AFG2A: variants seen among roughly 807,000 people sequenced by gnomAD.
AFG2A encodes the protein ATPase family gene 2 protein homolog A.
At chr4:122,969,941 A>G in the AFG2A span, among the ~76,000 whole-genome samples, 6 of 152,234 alleles carry the variant, frequency 3.9e-5, no homozygotes, top group Non-Finnish European at 8.8e-5. Context: ...GGTATATACT[A>G]CAGTGGCTCT....
chr4:122,944,597 C>T, the AFG2A span, among the ~76,000 whole-genome samples: 193 of 152,304 alleles, frequency 1.3e-3, 6 homozygotes, highest in East Asian at 0.022. Context: ...TCCCGTAGCT[C>T]GGAGTAGTTT....
At chr4:123,147,852 G>A in the AFG2A span, among the ~76,000 whole-genome samples, 2 of 152,054 alleles carry the variant, frequency 1.3e-5, no homozygotes, top group African/African-American at 4.8e-5. Flanking sequence ...ATGAATCATT[G>A]TAATGCTCAT....
chr4:123,266,963 C>T, the AFG2A span, among the ~76,000 whole-genome samples: 1 of 151,880 alleles, frequency 6.6e-6, no homozygotes, highest in Non-Finnish European at 1.5e-5. Flanking sequence ...GGATTGGACC[C>T]CAGTGTTTAG....
the AFG2A span, among the ~76,000 whole-genome samples, chr4:123,227,125 C>T: frequency 0.014 from 2,148 of 152,080 alleles, 49 homozygotes; most frequent in African/African-American, 0.048. Context: ...GTCTTGCTAG[C>T]GGTCTATCAA....
chr4:123,254,880 C>A, the AFG2A span, among the ~76,000 whole-genome samples: 1 of 152,078 alleles, frequency 6.6e-6, no homozygotes, highest in Non-Finnish European at 1.5e-5. Flanking sequence ...TAGAACTATT[C>A]TTTTATTAGA....
chr4:122,996,815 G>T, the AFG2A span, among the ~76,000 whole-genome samples: 1 of 152,092 alleles, frequency 6.6e-6, no homozygotes, highest in Non-Finnish European at 1.5e-5. Flanking sequence ...GAGAACCCAG[G>T]GGGCTGCTGG....
chr4:122,938,059 A>T, the AFG2A span: 1 of 1,423,932 alleles, frequency 7.0e-7, no homozygotes, highest in Non-Finnish European at 9.3e-7. Context: ...AGTTAAAAAA[A>T]TTAAAACTAA....
chr4:123,004,368 G>T, the AFG2A span, among the ~76,000 whole-genome samples: 2 of 152,216 alleles, frequency 1.3e-5, no homozygotes, highest in African/African-American at 4.8e-5. Context: ...CGGTACCTCA[G>T]ATGTAAATGC....
the AFG2A span, among the ~76,000 whole-genome samples, chr4:123,145,535 A>G: frequency 6.6e-6 from 1 of 152,134 alleles, no homozygotes; most frequent in Non-Finnish European, 1.5e-5. Context: ...ACATGAGGGG[A>G]ATCTGAAGTT....
chr4:123,218,600 T>A, the AFG2A span, among the ~76,000 whole-genome samples: 55 of 152,288 alleles, frequency 3.6e-4, no homozygotes, highest in African/African-American at 1.3e-3. Context: ...TGCCTGTTAA[T>A]GCAGATAATT....
chr4:123,013,255 C>T, the AFG2A span, among the ~76,000 whole-genome samples: 1 of 152,030 alleles, frequency 6.6e-6, no homozygotes, highest in Admixed American at 6.6e-5. Context: ...GCCATTTTCA[C>T]TTCTTTTGTG....
chr4:123,041,837 T>G, the AFG2A span, among the ~76,000 whole-genome samples: 1 of 152,116 alleles, frequency 6.6e-6, no homozygotes, highest in African/African-American at 2.4e-5. Context: ...CTGAAACAGT[T>G]TTTCAAAAAG....
chr4:122,972,918 T>C, the AFG2A span, among the ~76,000 whole-genome samples: 2 of 152,148 alleles, frequency 1.3e-5, no homozygotes, highest in African/African-American at 2.4e-5. Flanking sequence ...TTTTAATATA[T>C]ACCAATTAGG....
the AFG2A span, among the ~76,000 whole-genome samples, chr4:123,227,485 G>A: frequency 6.6e-6 from 1 of 152,106 alleles, no homozygotes; most frequent in Non-Finnish European, 1.5e-5. Flanking sequence ...AGTCATTCAG[G>A]AGCAGGTTGT....
the AFG2A span, among the ~76,000 whole-genome samples, chr4:123,199,327 A>G: frequency 6.6e-6 from 1 of 152,190 alleles, no homozygotes; most frequent in Admixed American, 6.6e-5. Flanking sequence ...TGCAGTATAC[A>G]TTTGGAAAAT....
At chr4:123,168,481 G>A in the AFG2A span, among the ~76,000 whole-genome samples, 2 of 152,008 alleles carry the variant, frequency 1.3e-5, no homozygotes, top group Admixed American at 6.5e-5. Context: ...CAAGAAACAT[G>A]CCATTTCTCC....
the AFG2A span, among the ~76,000 whole-genome samples, chr4:123,056,924 G>A: frequency 6.6e-6 from 1 of 152,202 alleles, no homozygotes; most frequent in Non-Finnish European, 1.5e-5. Flanking sequence ...TACTAGTAGT[G>A]CAGCTGGGAT....
At chr4:123,112,208 A>C in the AFG2A span, among the ~76,000 whole-genome samples, 3,248 of 152,312 alleles carry the variant, frequency 0.021, 66 homozygotes, top group Non-Finnish European at 0.035. Context: ...TGGAAATGTT[A>C]AATTAAAAGA....
the AFG2A span, among the ~76,000 whole-genome samples, chr4:122,944,426 A>G: frequency 2.6e-5 from 4 of 152,142 alleles, no homozygotes; most frequent in East Asian, 1.9e-4. Flanking sequence ...AGTTGATCGC[A>G]TCGGCTCCTG....
Sources: gnomAD v4.1 joint callset for allele counts (sites outside exome capture counted in the v4.1 genomes callset) on GRCh38, gnomAD v4.1.1 for gene constraint, MANE v1.5 for transcripts, NCBI Gene and HGNC (gene_info 2026-07-23, HGNC 2026-07-21) for gene names.